Variants in SEMA3A observed in about 807,000 individuals in gnomAD.
SEMA3A encodes the protein semaphorin-3A.
Under a neutral mutation model 97.9 loss-of-function variants are expected in SEMA3A, and 29 were observed. That is an observed-to-expected ratio of 0.30 (90% confidence interval 0.22 to 0.40). SEMA3A has a LOEUF of 0.40. Among genes scored for constraint, SEMA3A ranks in the 10% least tolerant of loss-of-function variants. The pLI is 1.00. For missense variants in SEMA3A, 763 were observed against 951.3 expected (o/e 0.80, Z 2.60); for synonymous variants, 321 against 323.7 (o/e 0.99, Z 0.09).
At chr7:84,092,648 A>C (rs1794636397) in intron 4 of SEMA3A, among the ~76,000 whole-genome samples, 1 of 152,160 alleles carries the variant, frequency 6.6e-6, no homozygotes, top group Non-Finnish European at 1.5e-5. Context: ...AAGGGCATGA[A>C]ATAAAAGTTA....
chr7:84,464,139 C>T (rs927541127), intron 1 of SEMA3A, among the ~76,000 whole-genome samples: 3 of 152,084 alleles, frequency 2.0e-5, no homozygotes, highest in African/African-American at 7.2e-5. Context: ...AGACAGAAAA[C>T]AGAAATTAAC....
At chr7:84,407,246 A>T (rs1156898391) in intron 1 of SEMA3A, among the ~76,000 whole-genome samples, 1 of 152,218 alleles carries the variant, frequency 6.6e-6, no homozygotes, top group Non-Finnish European at 1.5e-5. Flanking sequence ...AAGCATTTTT[A>T]TACACCAATA....
At chr7:84,375,530 T>C (rs1187395979) in intron 1 of SEMA3A, among the ~76,000 whole-genome samples, 2 of 152,200 alleles carry the variant, frequency 1.3e-5, no homozygotes, top group African/African-American at 4.8e-5. Context: ...AGGTATTCTT[T>C]CTTTTATTAA....
At chr7:84,428,792 A>C (rs1804892955) in intron 1 of SEMA3A, among the ~76,000 whole-genome samples, 6 of 152,260 alleles carry the variant, frequency 3.9e-5, no homozygotes, top group Admixed American at 3.3e-4. Context: ...TAAACAATTT[A>C]ATAAATGCAA....
chr7:84,189,376 A>G (rs529825449), intron 1 of SEMA3A, among the ~76,000 whole-genome samples: 1 of 151,838 alleles, frequency 6.6e-6, no homozygotes, highest in Non-Finnish European at 1.5e-5. Flanking sequence ...TTCAAAATTT[A>G]TATCACTATT....
chr7:84,086,378 T>C (rs983955731), intron 4 of SEMA3A, among the ~76,000 whole-genome samples: 4 of 150,198 alleles, frequency 2.7e-5, no homozygotes, highest in Non-Finnish European at 5.9e-5. Flanking sequence ...TTTGTTCCTA[T>C]GCGATGATAA....
chr7:84,307,541 T>C (rs896436245), intron 2 of SEMA3A, among the ~76,000 whole-genome samples: 1 of 152,126 alleles, frequency 6.6e-6, no homozygotes, highest in Admixed American at 6.6e-5. Context: ...TTTGATGGAG[T>C]TTGAAAAAAT....
At position 84,014,296 on chromosome 7, in the gene SEMA3A, G is replaced by C; in HGVS notation, c.723C>G (p.Asp241Glu). ...LISESDNPED[D>E]KVYFFFRENA... ...TTTCACGGAAGAAAAAGTATACTTT[G>C]TCATCTTCAGGATTGTCACTCTCTG... Residue 241 changes from aspartate to glutamate, a missense_variant, in exon 7 of 17, where the codon GAC becomes GAG. Asp to Glu is a conservative substitution (Grantham distance 45). This residue lies in a region of SEMA3A where 678 missense variants were observed against 881.3 expected (regional missense o/e 0.77). Coordinates refer to ENST00000265362, the MANE Select transcript of SEMA3A (RefSeq NM_006080.3). 1 of 1,612,550 alleles carries C rather than the reference G, an allele frequency of 6.2e-7. No individual in the cohort carries two copies. The highest frequency in any genetic ancestry group is 8.5e-7 in the Non-Finnish European group (1 of 1,179,066).
At chr7:84,379,018 C>T (rs955468307) in intron 1 of SEMA3A, among the ~76,000 whole-genome samples, 2 of 151,968 alleles carry the variant, frequency 1.3e-5, no homozygotes, top group African/African-American at 4.8e-5. Context: ...AGCTCCGCCT[C>T]CCAGGTTCAT....
At chr7:84,131,073 G>A (rs1329648372) in intron 2 of SEMA3A, among the ~76,000 whole-genome samples, 2 of 151,096 alleles carry the variant, frequency 1.3e-5, no homozygotes, top group South Asian at 4.2e-4. Flanking sequence ...GACTTAAAAG[G>A]GCCTTTTAAG....
chr7:84,031,594 G>A (rs1791757744), intron 6 of SEMA3A, among the ~76,000 whole-genome samples: 1 of 152,112 alleles, frequency 6.6e-6, no homozygotes, highest in Non-Finnish European at 1.5e-5. Flanking sequence ...AGCACTTTGG[G>A]AGGCTGAGGT....
chr7:84,120,238 TA>T (rs1206322157), intron 3 of SEMA3A, among the ~76,000 whole-genome samples: 2 of 152,136 alleles, frequency 1.3e-5, no homozygotes, highest in East Asian at 3.8e-4. Context: ...GCTGTATTAG[TA>T]AAATGTATTA....
chr7:84,260,624 A>C (rs584566), intron 3 of SEMA3A, among the ~76,000 whole-genome samples: 107,775 of 151,556 alleles, frequency 0.71, 38,427 homozygotes, highest in East Asian at 0.79. Flanking sequence ...CTGTTGCAAC[A>C]CAGTTGGATG....
chr7:84,000,469 G>C (rs759766298), intron 12 of SEMA3A, among the ~76,000 whole-genome samples: 2 of 152,108 alleles, frequency 1.3e-5, no homozygotes, highest in Non-Finnish European at 2.9e-5. Context: ...CTCATTTTCA[G>C]TTTAGCTAAA....
At chr7:84,304,856 T>C (rs1165312156) in intron 3 of SEMA3A, among the ~76,000 whole-genome samples, 1 of 152,074 alleles carries the variant, frequency 6.6e-6, no homozygotes, top group African/African-American at 2.4e-5. Flanking sequence ...TATTTCCTTG[T>C]TATCCACATA....
At chr7:83,966,688 G>A (rs1490212260) in intron 15 of SEMA3A, among the ~76,000 whole-genome samples, 2 of 149,882 alleles carry the variant, frequency 1.3e-5, no homozygotes, top group African/African-American at 5.0e-5. Flanking sequence ...GCTGCGATCA[G>A]CAATAATTAT....
intron 1 of SEMA3A, among the ~76,000 whole-genome samples, chr7:84,402,946 C>T (rs1053405069): frequency 1.3e-5 from 2 of 151,986 alleles, no homozygotes; most frequent in African/African-American, 4.8e-5. Context: ...GGTTGGTTTA[C>T]AAAAATACAG....
At chr7:84,395,358 G>GAAAA (rs35236072) in intron 1 of SEMA3A, among the ~76,000 whole-genome samples, 1 of 141,820 alleles carries the variant, frequency 7.1e-6, no homozygotes, top group Non-Finnish European at 1.6e-5. Context: ...AAACCCATAG[G>GAAAA]AAAAAAAAAA....
intron 5 of SEMA3A, among the ~76,000 whole-genome samples, chr7:84,055,343 A>G (rs563909709): frequency 1.4e-4 from 21 of 152,266 alleles, no homozygotes; most frequent in Admixed American, 5.2e-4. Context: ...CTGCTGTGCT[A>G]GCAATCAGCG....
Sources: allele counts gnomAD v4.1 joint callset (sites outside exome capture counted in the v4.1 genomes callset), GRCh38; gene constraint gnomAD v4.1.1; regional missense constraint gnomAD v4.1.1; transcripts MANE v1.5; gene names NCBI Gene and HGNC (gene_info 2026-07-23, HGNC 2026-07-21).